Variants in SDCCAG8 observed in about 807,000 individuals in gnomAD.
The protein encoded by SDCCAG8 is SHH signaling and ciliogenesis regulator SDCCAG8.
A neutral mutation model predicts 101.8 loss-of-function variants in SDCCAG8; 74 were observed. The observed-to-expected ratio is 0.73, with a 90% confidence interval of 0.60 to 0.88. SDCCAG8 has a LOEUF of 0.88. Ranked by LOEUF, SDCCAG8 falls within the 40% of genes least tolerant of loss-of-function variation. The pLI is 0.00. For synonymous variants in SDCCAG8, 281 were observed against 292.9 expected, an observed-to-expected ratio of 0.96 and a Z score of 0.41; for missense variants, 787 against 822.6, an observed-to-expected ratio of 0.96 and a Z score of 0.53.
intron 16 of SDCCAG8, among the ~76,000 whole-genome samples, chr1:243,456,270 G>T (rs1483485485): frequency 6.6e-6 from 1 of 152,190 alleles, no homozygotes; most frequent in African/African-American, 2.4e-5. Context: ...CCTTGAGCCT[G>T]CCCTGGTTGG....
At chr1:243,337,777 C>T (rs1190021047) in intron 10 of SDCCAG8, among the ~76,000 whole-genome samples, 1 of 152,162 alleles carries the variant, frequency 6.6e-6, no homozygotes, top group African/African-American at 2.4e-5. Context: ...CTTGGCCCTT[C>T]ATGTTAGTAA....
At chr1:243,446,963 C>T (rs1470374077) in intron 16 of SDCCAG8, among the ~76,000 whole-genome samples, 1 of 152,058 alleles carries the variant, frequency 6.6e-6, no homozygotes, top group Non-Finnish European at 1.5e-5. Flanking sequence ...ATTAAGAACC[C>T]ATGCTTGGCC....
intron 13 of SDCCAG8, among the ~76,000 whole-genome samples, chr1:243,406,726 C>A (rs764566810): frequency 2.6e-4 from 39 of 152,158 alleles, no homozygotes; most frequent in Non-Finnish European, 4.0e-4. Flanking sequence ...AATCTCCCCT[C>A]CACCAACTGT....
Position 243,489,150 on chromosome 1 carries a change from A to T in SDCCAG8, c.2112+10A>T. 6.2e-7 allele frequency: 1 copy of T among 1,611,524 alleles called. No individual in the cohort carries two copies. Among genetic ancestry groups the T allele is most frequent in the Non-Finnish European group, 8.5e-7 (1 of 1,179,626 alleles). ...CCGGCTGCGGACCCAGGTACTGTGCAGAACGCGGCGCAGGTGGGAGTCCTT... is the reference window on the plus strand; with the variant it reads ...CCGGCTGCGGACCCAGGTACTGTGCTGAACGCGGCGCAGGTGGGAGTCCTT... On this transcript the variant is annotated intron_variant, in intron 17 of 17. Coordinates refer to ENST00000366541, the MANE Select transcript of SDCCAG8 (RefSeq NM_006642.5).
chr1:243,296,990 C>G (rs565910251), intron 6 of SDCCAG8, among the ~76,000 whole-genome samples: 1 of 152,154 alleles, frequency 6.6e-6, no homozygotes, highest in African/African-American at 2.4e-5. Flanking sequence ...GTAAAGTACA[C>G]AAAACAAAAA....
chr1:243,428,880 C>G (rs1259346368), intron 16 of SDCCAG8, among the ~76,000 whole-genome samples: 1 of 152,162 alleles, frequency 6.6e-6, no homozygotes, highest in Non-Finnish European at 1.5e-5. Context: ...TTGTAAGTAT[C>G]CACTGAAAAC....
rs139867723 is a variant in SDCCAG8, at chr1:243,275,109, T to C, written c.420+453T>C. 3.5e-3 allele frequency among the ~76,000 whole-genome samples: 537 copies of C among 152,312 alleles called. 4 individuals carry two copies. Among genetic ancestry groups the C allele is most frequent in the African/African-American group, 0.013 (524 of 41,558 alleles). On this transcript the variant is annotated intron_variant, in intron 4 of 17. Coordinates refer to ENST00000366541, the MANE Select transcript of SDCCAG8 (RefSeq NM_006642.5). ...CTCTTACTTTGACTTTGAATGAGAA[T>C]GGTTCATAGGGTACTGACAGTAATG...
intron 12 of SDCCAG8, among the ~76,000 whole-genome samples, chr1:243,346,939 A>T (rs1237805742): frequency 6.6e-6 from 1 of 152,206 alleles, no homozygotes; most frequent in African/African-American, 2.4e-5. Flanking sequence ...ATGAGTCCTC[A>T]CATTTCCATC....
intron 13 of SDCCAG8, among the ~76,000 whole-genome samples, chr1:243,401,011 G>A (rs1201969472): frequency 2.0e-5 from 3 of 152,176 alleles, no homozygotes; most frequent in East Asian, 3.9e-4. Flanking sequence ...GGGAAGTTTA[G>A]CACTCATAAT....
chr1:243,348,400 G>A (rs2075870742), intron 12 of SDCCAG8, among the ~76,000 whole-genome samples: 1 of 151,738 alleles, frequency 6.6e-6, no homozygotes, highest in African/African-American at 2.4e-5. Context: ...GCAGGGATGG[G>A]CACACTTGAC....
At chr1:243,422,075 C>A (rs1177567481) in intron 15 of SDCCAG8, among the ~76,000 whole-genome samples, 1 of 152,188 alleles carries the variant, frequency 6.6e-6, no homozygotes, top group Non-Finnish European at 1.5e-5. Context: ...TAGGTTTTAG[C>A]TTCCACCTCT....
chr1:243,298,519 G>A (rs770148708), intron 6 of SDCCAG8, among the ~76,000 whole-genome samples: 8 of 151,882 alleles, frequency 5.3e-5, no homozygotes, highest in African/African-American at 9.7e-5. Flanking sequence ...GTTTCACCAC[G>A]TTGGCCAGGC....
At chr1:243,455,940 GC>G (rs2083710077) in intron 16 of SDCCAG8, among the ~76,000 whole-genome samples, 1 of 152,150 alleles carries the variant, frequency 6.6e-6, no homozygotes, top group Non-Finnish European at 1.5e-5. Context: ...CATCGCTGTG[GC>G]CCCTAAGGAA....
At chr1:243,401,878 A>G (rs2079422014) in intron 13 of SDCCAG8, among the ~76,000 whole-genome samples, 1 of 152,200 alleles carries the variant, frequency 6.6e-6, no homozygotes, top group African/African-American at 2.4e-5. Flanking sequence ...TGAGAAACTT[A>G]TCAAGGTTAA....
chr1:243,417,746 A>T (rs1176007505), intron 14 of SDCCAG8, among the ~76,000 whole-genome samples: 1 of 152,212 alleles, frequency 6.6e-6, no homozygotes, highest in South Asian at 2.1e-4. Flanking sequence ...AGCTGGTATG[A>T]TGAAAAATGT....
chr1:243,284,485 G>C (rs1471443974), intron 4 of SDCCAG8, among the ~76,000 whole-genome samples: 1 of 152,226 alleles, frequency 6.6e-6, no homozygotes, highest in Non-Finnish European at 1.5e-5. Flanking sequence ...CCTATGACTA[G>C]ATCTAAGTCT....
intron 12 of SDCCAG8, among the ~76,000 whole-genome samples, chr1:243,378,028 C>T (rs147589476): frequency 1.2e-4 from 18 of 151,358 alleles, no homozygotes; most frequent in Middle Eastern, 6.8e-3. Flanking sequence ...AATTTCATCC[C>T]GAAACCAAAA....
At chr1:243,306,120 T>G (rs2072099501) in intron 7 of SDCCAG8, 1 of 150,208 alleles carries the variant, frequency 6.7e-6, no homozygotes, top group Non-Finnish European at 1.5e-5. Context: ...GAGCTGGAAC[T>G]CATAGCTTTC....
At chr1:243,399,235 A>C (rs1188055161) in intron 13 of SDCCAG8, among the ~76,000 whole-genome samples, 2 of 152,228 alleles carry the variant, frequency 1.3e-5, no homozygotes, top group Non-Finnish European at 2.9e-5. Context: ...AGCAAAAAGT[A>C]GAGTCTAAGT....
Sources: gnomAD v4.1 joint callset for allele counts (sites outside exome capture counted in the v4.1 genomes callset) on GRCh38, gnomAD v4.1.1 for gene constraint, MANE v1.5 for transcripts, NCBI Gene and HGNC (gene_info 2026-07-23, HGNC 2026-07-21) for gene names.